Variants in NRG1 observed in about 807,000 individuals in gnomAD.
NRG1 encodes the protein neuregulin 1.
Under a neutral mutation model 63.8 loss-of-function variants are expected in NRG1, and 18 were observed. The observed-to-expected ratio is 0.28, with a 90% CI of 0.19 to 0.42. The LOEUF is 0.42. NRG1 is among the 10% of genes least tolerant of loss of function. NRG1 has a pLI of 1.00. For missense variants in NRG1, 762 were observed against 814.7 expected (o/e 0.94, Z 0.79); for synonymous variants, 302 against 301.3 (o/e 1.00, Z -0.02).
rs183225056 is a variant in NRG1 at position 32,273,683 on chromosome 8, A to C, written c.38-322145A>C. Among the ~76,000 whole-genome samples the C allele has an allele frequency of 1.5e-3, 222 of 152,274 alleles. 3 individuals carry two copies. In the East Asian group the frequency reaches 0.035, roughly 24 times the overall value. The stretch of plus-strand genomic sequence containing the variant: ...GATATAAATTGATTTTAAATTTTAA[A>C]TTTGTAATCATACACTTCCTCTAAA... On this transcript the variant is annotated intron_variant, in intron 1 of 10. Transcript: ENST00000519301.
At chr8:32,637,965 A>T (rs969932111) in intron 5 of NRG1, among the ~76,000 whole-genome samples, 6 of 152,206 alleles carry the variant, frequency 3.9e-5, no homozygotes, top group African/African-American at 1.4e-4. Flanking sequence ...AAACAGTCAA[A>T]GTGAGGTATT....
At chr8:31,894,546 C>CTTTCTTTTTTTTTTTTT in intron 1 of NRG1, among the ~76,000 whole-genome samples, 1 of 98,068 alleles carries the variant, frequency 1.0e-5, no homozygotes. Context: ...CTATTTCTTT[C>CTTTCTTTTTTTTTTTTT]TTTTTTCTTT....
chr8:32,699,037 A>G (rs957668603), intron 5 of NRG1, among the ~76,000 whole-genome samples: 2 of 152,216 alleles, frequency 1.3e-5, no homozygotes, highest in South Asian at 2.1e-4. Context: ...AAATGCTTCT[A>G]TGGATAAAGA....
chr8:32,569,231 G>T (rs1838050741), intron 1 of NRG1, among the ~76,000 whole-genome samples: 2 of 152,038 alleles, frequency 1.3e-5, no homozygotes. Context: ...TGAATTTTTT[G>T]CAGAGAGGGG....
chr8:31,747,097 A>G (rs1349438392), intron 1 of NRG1, among the ~76,000 whole-genome samples: 1 of 151,904 alleles, frequency 6.6e-6, no homozygotes, highest in Non-Finnish European at 1.5e-5. Context: ...AAGACCTACT[A>G]TTTGATAGCA....
chr8:32,153,629 T>A (rs1301160659), intron 1 of NRG1, among the ~76,000 whole-genome samples: 1 of 152,210 alleles, frequency 6.6e-6, no homozygotes, highest in Non-Finnish European at 1.5e-5. Context: ...TAGCAAAATA[T>A]TGCATACATT....
chr8:31,734,009 G>T (rs1814392785), intron 1 of NRG1, among the ~76,000 whole-genome samples: 1 of 152,068 alleles, frequency 6.6e-6, no homozygotes. Context: ...GCTGTTTCAT[G>T]ACTCCATCCC....
chr8:32,635,231 G>T (rs971563527), intron 5 of NRG1, among the ~76,000 whole-genome samples: 9 of 152,198 alleles, frequency 5.9e-5, no homozygotes, highest in Non-Finnish European at 8.8e-5. Flanking sequence ...CCAGCACAAT[G>T]CCTGTCACAG....
intron 1 of NRG1, among the ~76,000 whole-genome samples, chr8:31,795,269 A>T (rs1044895369): frequency 1.3e-5 from 2 of 152,206 alleles, no homozygotes; most frequent in Non-Finnish European, 2.9e-5. Context: ...GTGTCCCCTA[A>T]TCGAGACAGA....
chr8:32,325,924 T>C lies in NRG1; in HGVS notation c.38-269904T>C, dbSNP rs567497005. Among the ~76,000 whole-genome samples the C allele has an allele frequency of 2.6e-5, 4 of 152,204 alleles. No homozygotes were observed. In the South Asian group the frequency reaches 8.3e-4, roughly 32 times the overall value. The stretch of plus-strand genomic sequence containing the variant: ...ACTAGGGAGCTGAGCACCACGATGC[T>C]GGCTACTGGCAGAGTTTATCCCTCA... On this transcript the variant is annotated intron_variant, in intron 1 of 10. Coordinates refer to the NRG1 transcript ENST00000519301.
chr8:32,322,355 T>A (rs866765822), intron 1 of NRG1, among the ~76,000 whole-genome samples: 16 of 142,662 alleles, frequency 1.1e-4, no homozygotes, highest in African/African-American at 3.9e-4. Context: ...CAACCTTATT[T>A]TATATATATA....
chr8:32,030,843 T>C (rs941119545), intron 1 of NRG1, among the ~76,000 whole-genome samples: 17 of 152,120 alleles, frequency 1.1e-4, no homozygotes, highest in African/African-American at 3.9e-4. Flanking sequence ...TTCCCTCCTT[T>C]TAAAAAACAA....
intron 1 of NRG1, among the ~76,000 whole-genome samples, chr8:31,704,265 C>G (rs1010676394): frequency 2.0e-5 from 3 of 152,182 alleles, no homozygotes; most frequent in African/African-American, 7.2e-5. Flanking sequence ...TTTGAATTCT[C>G]TCTATTATAT....
chr8:31,891,364 T>A (rs1239527556), intron 1 of NRG1, among the ~76,000 whole-genome samples: 1 of 152,136 alleles, frequency 6.6e-6, no homozygotes, highest in Non-Finnish European at 1.5e-5. Flanking sequence ...GATATACATT[T>A]GGTGAAAAAG....
chr8:32,316,750 A>C, intron 1 of NRG1, among the ~76,000 whole-genome samples: 1 of 152,158 alleles, frequency 6.6e-6, no homozygotes, highest in African/African-American at 2.4e-5. Context: ...TGCAATTAAC[A>C]GATCTCCTCT....
rs371401184 is a variant in NRG1, at chr8:32,691,218, G to A, written c.503-36731G>A. On this transcript the variant is annotated intron_variant, in intron 5 of 11. Transcript: ENST00000356819. ...TAGTGAAAATACAAAAAATTAGCTG[G>A]ACATGGTGGCGGGCGCCTGTGATCC... Among the ~76,000 whole-genome samples the A allele has an allele frequency of 4.8e-3, 730 of 152,136 alleles. 4 individuals carry two copies. The highest frequency in any genetic ancestry group is 0.014 in the Middle Eastern group (4 of 294).
At chr8:32,171,341 A>G (rs1313856392) in intron 1 of NRG1, 1 of 152,166 alleles carries the variant, frequency 6.6e-6, no homozygotes. Context: ...CCCGTCATCT[A>G]GGTTTTAAGA....
At chr8:32,387,771 C>T (rs188993169) in intron 1 of NRG1, among the ~76,000 whole-genome samples, 1 of 150,468 alleles carries the variant, frequency 6.6e-6, no homozygotes. Flanking sequence ...AAGTTCCCAG[C>T]AAAAAAAAAT....
At chr8:31,724,070 T>C (rs1364001740) in intron 1 of NRG1, among the ~76,000 whole-genome samples, 2 of 152,200 alleles carry the variant, frequency 1.3e-5, no homozygotes, top group East Asian at 3.9e-4. Context: ...AGTGAATTGA[T>C]AATGATCATA....
Sources: allele counts gnomAD v4.1 joint callset (sites outside exome capture counted in the v4.1 genomes callset), GRCh38; gene constraint gnomAD v4.1.1; transcripts MANE v1.5; gene names NCBI Gene and HGNC (gene_info 2026-07-23, HGNC 2026-07-21).